Variants in PTPRD observed in about 807,000 individuals in gnomAD.
PTPRD encodes the protein receptor-type tyrosine-protein phosphatase delta.
In PTPRD, 34 loss-of-function variants were observed where a neutral mutation model predicts 214.5. The ratio of observed to expected loss-of-function variants is 0.16; its 90% CI spans 0.12 to 0.21. PTPRD has a LOEUF of 0.21. Ranked by LOEUF, PTPRD falls within the 10% of genes least tolerant of loss-of-function variation. PTPRD has a pLI of 1.00. For missense variants in PTPRD, 2,545 were observed against 2,398.7 expected (o/e 1.06, Z -1.27); for synonymous variants, 1,128 against 845.7 (o/e 1.33, Z -5.79).
At chr9:9,300,338 A>G (rs1055045361) in intron 9 of PTPRD, among the ~76,000 whole-genome samples, 2 of 151,636 alleles carry the variant, frequency 1.3e-5, no homozygotes, top group Non-Finnish European at 2.9e-5. Flanking sequence ...TTCCAGATCA[A>G]TGTATTCCAG....
chr9:9,133,436 T>C (rs2099845900), intron 10 of PTPRD, among the ~76,000 whole-genome samples: 1 of 152,210 alleles, frequency 6.6e-6, no homozygotes, highest in Admixed American at 6.5e-5. Flanking sequence ...ATCCATTTAA[T>C]ATAAGATGGT....
intron 11 of PTPRD, among the ~76,000 whole-genome samples, chr9:8,782,039 ATG>A (rs1183861114): frequency 1.3e-5 from 2 of 150,426 alleles, no homozygotes; most frequent in African/African-American, 4.9e-5. Flanking sequence ...TATGTTTATT[ATG>A]TATACATAAT....
At chr9:8,325,679 T>A (rs956234291) in intron 44 of PTPRD, among the ~76,000 whole-genome samples, 11 of 152,120 alleles carry the variant, frequency 7.2e-5, no homozygotes, top group African/African-American at 2.6e-4. Context: ...TTGGGCAGTA[T>A]GGCCATTTTC....
chr9:9,598,055 G>A (rs1226063046), intron 7 of PTPRD, among the ~76,000 whole-genome samples: 1 of 151,890 alleles, frequency 6.6e-6, no homozygotes, highest in Non-Finnish European at 1.5e-5. Flanking sequence ...GACTTAAGTT[G>A]CTGTCTGGCT....
In PTPRD at chr9:9,210,277, A is replaced by C. The variant is rs113807532; in HGVS notation, c.-202-26914T>G. Among the ~76,000 whole-genome samples the C allele has an allele frequency of 4.3e-3, 655 of 152,278 alleles. 2 individuals are homozygous for C. The highest frequency in any genetic ancestry group is 0.015 in the African/African-American group (629 of 41,552). ...TATTGGCTGTAACTCTTCAAAACGAATCTGAAACTCAAGAATTGGGTATTA... is the reference window on the plus strand; with the variant it reads ...TATTGGCTGTAACTCTTCAAAACGACTCTGAAACTCAAGAATTGGGTATTA... On this transcript the variant is annotated intron_variant, in intron 9 of 45. Transcript: ENST00000381196.
intron 11 of PTPRD, among the ~76,000 whole-genome samples, chr9:8,869,354 G>A (rs2098253852): frequency 6.6e-6 from 1 of 152,156 alleles, no homozygotes; most frequent in Non-Finnish European, 1.5e-5. Flanking sequence ...TAACAAATAA[G>A]AGGTACAGTA....
intron 3 of PTPRD, among the ~76,000 whole-genome samples, chr9:10,280,760 C>G (rs2095057074): frequency 6.7e-6 from 1 of 148,800 alleles, no homozygotes; most frequent in African/African-American, 2.5e-5. Flanking sequence ...CAGGCATGCA[C>G]CACAACACAT....
At chr9:10,204,896 A>T (rs2099460375) in intron 3 of PTPRD, among the ~76,000 whole-genome samples, 1 of 152,224 alleles carries the variant, frequency 6.6e-6, no homozygotes, top group African/African-American at 2.4e-5. Context: ...TGTCTCTAAA[A>T]TTATTACTTA....
chr9:8,419,682 AG>A (rs750769864), intron 35 of PTPRD, among the ~76,000 whole-genome samples: 3 of 151,950 alleles, frequency 2.0e-5, no homozygotes, highest in Non-Finnish European at 2.9e-5. Flanking sequence ...TCATCCAGCT[AG>A]GGGAATTTTG....
intron 7 of PTPRD, among the ~76,000 whole-genome samples, chr9:9,655,176 G>A (rs996600849): frequency 2.0e-5 from 3 of 151,908 alleles, no homozygotes; most frequent in Non-Finnish European, 4.4e-5. Flanking sequence ...CAAGCCACAG[G>A]GTGGAAGAAA....
chr9:8,834,017 T>TAA (rs1175794521), intron 11 of PTPRD, among the ~76,000 whole-genome samples: 1 of 152,066 alleles, frequency 6.6e-6, no homozygotes. Context: ...ATTTCTCACA[T>TAA]AATTACACAA....
chr9:9,827,823 C>T (rs988771146), intron 5 of PTPRD, among the ~76,000 whole-genome samples: 11 of 151,892 alleles, frequency 7.2e-5, no homozygotes, highest in African/African-American at 2.7e-4. Flanking sequence ...AAAAAACAAC[C>T]CCATCAACAA....
At chr9:9,338,869 T>G (rs1197021973) in intron 9 of PTPRD, among the ~76,000 whole-genome samples, 1 of 152,068 alleles carries the variant, frequency 6.6e-6, no homozygotes, top group Non-Finnish European at 1.5e-5. Flanking sequence ...CAGGCCCTGG[T>G]GTGTGATATT....
intron 2 of PTPRD, among the ~76,000 whole-genome samples, chr9:10,429,201 C>G (rs372008285): frequency 1.4e-4 from 21 of 151,756 alleles, no homozygotes; most frequent in East Asian, 5.8e-4. Flanking sequence ...GTTAAGTACA[C>G]AGAGAAAAGA....
intron 9 of PTPRD, among the ~76,000 whole-genome samples, chr9:9,370,968 G>A (rs2059330218): frequency 6.6e-6 from 1 of 152,144 alleles, no homozygotes; most frequent in African/African-American, 2.4e-5. Context: ...AAGCCCACTT[G>A]ATCATGGTGG....
chr9:10,169,078 G>A lies in PTPRD; in HGVS notation c.-544-135288C>T, dbSNP rs562565491. Among the ~76,000 whole-genome samples, 5 of 152,220 alleles carry A rather than the reference G, an allele frequency of 3.3e-5. No homozygotes were observed. In the South Asian group the frequency reaches 1.0e-3, roughly 32 times the overall value. ...ATACAGATATCTTTCAGAATGGAGA[G>A]ATAATCCTGAAAACAGCAATGTTAC... On this transcript the variant is annotated intron_variant, in intron 3 of 45. Transcript: ENST00000381196.
intron 11 of PTPRD, among the ~76,000 whole-genome samples, chr9:8,996,540 G>C (rs10739180): frequency 6.6e-6 from 1 of 151,710 alleles, no homozygotes; most frequent in East Asian, 1.9e-4. Flanking sequence ...GGCTACTATA[G>C]CAAAATATCT....
At chr9:8,852,041 AATCC>A (rs1335596771) in intron 11 of PTPRD, among the ~76,000 whole-genome samples, 1 of 128,910 alleles carries the variant, frequency 7.8e-6, no homozygotes, top group Non-Finnish European at 1.6e-5. Flanking sequence ...TAATAAATGA[AATCC>A]ATCTACTAAC....
chr9:10,042,241 T>C (rs1276833647), intron 3 of PTPRD, among the ~76,000 whole-genome samples: 2 of 151,946 alleles, frequency 1.3e-5, no homozygotes, highest in African/African-American at 4.8e-5. Flanking sequence ...TATGTGTAAT[T>C]TAAAATTTGT....
Sources: allele counts gnomAD v4.1 joint callset (sites outside exome capture counted in the v4.1 genomes callset), GRCh38; gene constraint gnomAD v4.1.1; transcripts MANE v1.5; gene names NCBI Gene and HGNC (gene_info 2026-07-23, HGNC 2026-07-21).